The following SSUH2 variants were observed in gnomAD, a reference collection of about 807,000 sequenced individuals.
SSUH2 encodes the protein ssu-2 homolog, also known as protein SSUH2 homolog.
A neutral mutation model predicts 55.3 loss-of-function variants in SSUH2; 47 were observed. The observed-to-expected ratio is 0.85, with a 90% CI of 0.67 to 1.08. The LOEUF (loss-of-function observed/expected upper bound fraction) is 1.08, where lower values mean the gene tolerates loss of function less well. Ranked by LOEUF, SSUH2 falls within the 50% of genes least tolerant of loss-of-function variation. The pLI, the probability that SSUH2 is intolerant of heterozygous loss-of-function variation, is 0.00. For missense variants in SSUH2, 535 were observed against 490.7 expected, an observed-to-expected ratio of 1.09 and a Z score of -0.85; for synonymous variants, 212 against 191.5, an observed-to-expected ratio of 1.11 and a Z score of -0.89.
chr3:8,654,403 T>C (rs1207879377), intron 7 of SSUH2, among the ~76,000 whole-genome samples: 1 of 152,236 alleles, frequency 6.6e-6, no homozygotes, highest in African/African-American at 2.4e-5. Flanking sequence ...CATCTCAGTT[T>C]CCTTTATTTC....
At chr3:8,676,944 G>A (rs190267103) in intron 3 of SSUH2, among the ~76,000 whole-genome samples, 5 of 134,858 alleles carry the variant, frequency 3.7e-5, no homozygotes, top group African/African-American at 1.1e-4. Context: ...CCCATAGTAC[G>A]GGGGGAAGGC....
At chr3:8,672,836 A>G (rs1159453725) in intron 3 of SSUH2, among the ~76,000 whole-genome samples, 3 of 152,108 alleles carry the variant, frequency 2.0e-5, no homozygotes, top group Non-Finnish European at 2.9e-5. Flanking sequence ...ACCCACTGCT[A>G]TCTTGGGAGT....
In SSUH2 at chr3:8,627,709, G is replaced by A. The variant is rs79240383; in HGVS notation, c.663C>T (p.Ser221=). Residue 221 remains serine, a synonymous_variant, in exon 8 of 12, where the codon TCC becomes TCT. Transcript: ENST00000544814. ...QSRRCQLCAG[S]GRRRCSTCSG... ...GGAGATGCCCCTACCTTCGCCTGCC[G>A]GACCCCGCGCACAGCTGACATCTCC... 1,011 of 1,592,230 alleles carry A rather than the reference G, an allele frequency of 6.3e-4. 9 individuals are homozygous for A. The East Asian group carries it at 0.018, about 28-fold the overall frequency.
At chr3:8,647,719 A>G (rs1400539260), upstream of SSUH2, among the ~76,000 whole-genome samples, 3 of 152,216 alleles carry the variant, frequency 2.0e-5, no homozygotes, top group Non-Finnish European at 2.9e-5. Context: ...ACCAGGAACC[A>G]GGCCCTGCCT....
intron 1 of SSUH2, among the ~76,000 whole-genome samples, chr3:8,638,954 G>T (rs139634809): frequency 2.0e-5 from 3 of 152,314 alleles, no homozygotes; most frequent in Middle Eastern, 3.4e-3. Flanking sequence ...GGGGCAGGAA[G>T]TGGGGAAGAA....
Position 8,677,928 on chromosome 3 carries a change from C to T in SSUH2, c.-900-575G>A, listed in dbSNP as rs567146076. Among the ~76,000 whole-genome samples the T allele has an allele frequency of 2.0e-5, 3 of 151,010 alleles. 1 individual carries two copies. In the South Asian group the frequency reaches 6.4e-4, roughly 32 times the overall value. Reference sequence around the variant, plus strand: ...CCTCTGGAGATTATGAACTGTTTCACAGACGGATGTACACCCGTCTGTACT... The same window carrying T: ...CCTCTGGAGATTATGAACTGTTTCATAGACGGATGTACACCCGTCTGTACT... On this transcript the variant is annotated intron_variant, in intron 2 of 18. Transcript: ENST00000317371.
chr3:8,621,102 G>C (rs1401372299), intron 11 of SSUH2, among the ~76,000 whole-genome samples: 2 of 152,204 alleles, frequency 1.3e-5, no homozygotes, highest in Admixed American at 1.3e-4. Context: ...GTTGACATAA[G>C]AATGTTGCTC....
chr3:8,664,854 C>T (rs1703843676), intron 5 of SSUH2, among the ~76,000 whole-genome samples: 1 of 152,212 alleles, frequency 6.6e-6, no homozygotes, highest in African/African-American at 2.4e-5. Flanking sequence ...AGATCAACAC[C>T]AACCCAGCTC....
At chr3:8,633,643 C>T (rs1351153803) in intron 4 of SSUH2, 23 bp downstream of exon 4, 6 of 1,496,684 alleles carry the variant, frequency 4.0e-6, no homozygotes, top group Non-Finnish European at 5.3e-6. Flanking sequence ...GGCCAAGGCC[C>T]CCCACCGGCC....
chr3:8,670,716 C>T (rs955518168), intron 5 of SSUH2, among the ~76,000 whole-genome samples: 1 of 151,526 alleles, frequency 6.6e-6, no homozygotes, highest in Non-Finnish European at 1.5e-5. Flanking sequence ...TTTAGGATAT[C>T]ACAAACAATA....
At chr3:8,671,254 G>A (rs960439043) in intron 4 of SSUH2, 5 of 168,690 alleles carry the variant, frequency 3.0e-5, no homozygotes, top group South Asian at 1.6e-4. Flanking sequence ...TGTCCACCCC[G>A]TGTGACATTA....
chr3:8,629,581 G>A (rs192585355), intron 7 of SSUH2, 83 bp downstream of exon 7: 62 of 1,294,306 alleles, frequency 4.8e-5, no homozygotes, highest in Admixed American at 3.3e-4. Flanking sequence ...GGGAGCCTCA[G>A]GCCACCAGCC....
chr3:8,632,218 G>T, intron 4 of SSUH2, 109 bp from the exon 5 acceptor site: 2 of 877,998 alleles, frequency 2.3e-6, no homozygotes, highest in South Asian at 1.4e-5. Flanking sequence ...GAAACTGAGA[G>T]GTCCATGCAC....
chr3:8,637,279 G>A, intron 1 of SSUH2, among the ~76,000 whole-genome samples: 1 of 152,118 alleles, frequency 6.6e-6, no homozygotes, highest in East Asian at 1.9e-4. Flanking sequence ...CTTTTCATGA[G>A]GCAAAACTAT....
intron 11 of SSUH2, among the ~76,000 whole-genome samples, chr3:8,621,110 C>T (rs1696341241): frequency 1.3e-5 from 2 of 152,200 alleles, no homozygotes; most frequent in East Asian, 1.9e-4. Context: ...AAGAATGTTG[C>T]TCCTGATCAT....
In SSUH2 at chr3:8,632,141, G is replaced by T. The variant is rs374837226; in HGVS notation, c.340-32C>A. 18 of 1,582,790 alleles carry T rather than the reference G, an allele frequency of 1.1e-5. No individual in the cohort carries two copies. The Admixed American group carries it at 2.8e-4, about 25-fold the overall frequency. ...GGAAAAAAACAGCATGTTCACACTC[G>T]TGCCCCTTATGAAGACAGAGCATTA... On this transcript the variant is annotated intron_variant, in intron 4 of 11. Coordinates refer to ENST00000544814, the MANE Select transcript of SSUH2 (RefSeq NM_001256748.3).
chr3:8,644,701 C>T (rs1701431094), intron 1 of SSUH2, 30 bp downstream of exon 1: 1 of 1,532,786 alleles, frequency 6.5e-7, no homozygotes, highest in African/African-American at 1.4e-5. Context: ...TCCACACAGT[C>T]TTCCGTGCCA....
intron 11 of SSUH2, 196 bp downstream of exon 11, chr3:8,623,334 CTCCTGCGACCCACGGTCCT>C: frequency 1.9e-6 from 1 of 525,516 alleles, no homozygotes; most frequent in South Asian, 2.6e-5. Context: ...ATGCAAACTT[CTCCTGCGACCCACGGTCCT>C]TCCTGCCTCT....
upstream of SSUH2, among the ~76,000 whole-genome samples, chr3:8,645,004 C>G (rs1419008638): frequency 6.6e-6 from 1 of 152,332 alleles, no homozygotes. Flanking sequence ...CTTCTAGTTA[C>G]TCATGTCCTC....
Sources: allele counts gnomAD v4.1 joint callset (sites outside exome capture counted in the v4.1 genomes callset), GRCh38; gene constraint gnomAD v4.1.1; transcripts MANE v1.5; gene names NCBI Gene and HGNC (gene_info 2026-07-23, HGNC 2026-07-21).